ARK2C: variants seen among roughly 807,000 people sequenced by gnomAD.
ARK2C encodes the protein arkadia (RNF111) C-terminal like ring finger ubiquitin ligase 2C.
the ARK2C span, among the ~76,000 whole-genome samples, chr18:46,352,067 G>T: frequency 6.6e-6 from 1 of 152,134 alleles, no homozygotes; most frequent in Non-Finnish European, 1.5e-5. Context: ...CAGGATGGCA[G>T]CCCTGTCCTC....
At chr18:46,416,114 C>T in the ARK2C span, among the ~76,000 whole-genome samples, 17 of 152,146 alleles carry the variant, frequency 1.1e-4, no homozygotes, top group African/African-American at 3.9e-4. Flanking sequence ...GTCTATTTGC[C>T]AGCACATCTG....
the ARK2C span, among the ~76,000 whole-genome samples, chr18:46,360,976 C>T: frequency 6.6e-6 from 1 of 152,360 alleles, no homozygotes; most frequent in African/African-American, 2.4e-5. Flanking sequence ...CCACAGAACA[C>T]TGCACTTGAA....
the ARK2C span, among the ~76,000 whole-genome samples, chr18:46,376,425 G>T: frequency 0.011 from 1,715 of 152,342 alleles, 37 homozygotes; most frequent in African/African-American, 0.039. Flanking sequence ...TTTGAACTTT[G>T]TTCCTGGCAG....
chr18:46,380,012 C>A, the ARK2C span, among the ~76,000 whole-genome samples: 1 of 152,222 alleles, frequency 6.6e-6, no homozygotes, highest in South Asian at 2.1e-4. Flanking sequence ...GCCACCCCAC[C>A]CCCAAATCCC....
chr18:46,441,950 G>A, the ARK2C span, among the ~76,000 whole-genome samples: 1 of 150,974 alleles, frequency 6.6e-6, no homozygotes, highest in Admixed American at 6.6e-5. Flanking sequence ...GGATCACGAG[G>A]TCAGGGGATC....
the ARK2C span, among the ~76,000 whole-genome samples, chr18:46,344,517 G>A: frequency 6.6e-6 from 1 of 152,162 alleles, no homozygotes; most frequent in African/African-American, 2.4e-5. Context: ...GAGCTAATGG[G>A]AGAATGTGCC....
At chr18:46,363,247 G>A in the ARK2C span, among the ~76,000 whole-genome samples, 9 of 152,194 alleles carry the variant, frequency 5.9e-5, no homozygotes, top group East Asian at 1.9e-4. Context: ...GGCTTTGAAC[G>A]GGACCCTGAA....
the ARK2C span, among the ~76,000 whole-genome samples, chr18:46,414,442 G>A: frequency 1.3e-5 from 2 of 152,152 alleles, no homozygotes; most frequent in African/African-American, 4.8e-5. Flanking sequence ...CTCTGTGTGT[G>A]CACACACACA....
the ARK2C span, among the ~76,000 whole-genome samples, chr18:46,453,358 G>T: frequency 1.2e-4 from 19 of 152,106 alleles, no homozygotes; most frequent in African/African-American, 4.3e-4. Flanking sequence ...CCTGTGTCCC[G>T]GACCAGGGAG....
the ARK2C span, among the ~76,000 whole-genome samples, chr18:46,437,517 A>G: frequency 1.3e-5 from 2 of 151,810 alleles, no homozygotes; most frequent in African/African-American, 4.8e-5. Context: ...GCCCTAGGTC[A>G]TTCCAGAAAC....
the ARK2C span, among the ~76,000 whole-genome samples, chr18:46,406,719 G>A: frequency 1.3e-5 from 2 of 152,262 alleles, no homozygotes; most frequent in African/African-American, 2.4e-5. Flanking sequence ...GTTGGGCACA[G>A]GGCCAGCCAC....
chr18:46,366,529 C>G, the ARK2C span, among the ~76,000 whole-genome samples: 1 of 152,120 alleles, frequency 6.6e-6, no homozygotes, highest in African/African-American at 2.4e-5. Context: ...TGGAGAATTG[C>G]TCACTGGTTT....
chr18:46,360,498 T>A, the ARK2C span, among the ~76,000 whole-genome samples: 1 of 152,264 alleles, frequency 6.6e-6, no homozygotes, highest in Non-Finnish European at 1.5e-5. Flanking sequence ...AAACAGACCC[T>A]GGAGGCCCAG....
chr18:46,442,060 G>A, the ARK2C span, among the ~76,000 whole-genome samples: 2 of 150,960 alleles, frequency 1.3e-5, no homozygotes, highest in African/African-American at 2.4e-5. Context: ...CTACTCGGGA[G>A]GCTGAGGCAG....
the ARK2C span, among the ~76,000 whole-genome samples, chr18:46,437,182 C>T: frequency 4.3e-5 from 6 of 138,748 alleles, no homozygotes; most frequent in Non-Finnish European, 6.7e-5. Context: ...CCTAGAGGCC[C>T]GCCTGGTCCA....
the ARK2C span, among the ~76,000 whole-genome samples, chr18:46,364,005 T>C: frequency 5.4e-5 from 8 of 148,078 alleles, no homozygotes; most frequent in Non-Finnish European, 8.9e-5. Context: ...TAGAGTGCAG[T>C]GGTGCAATCT....
the ARK2C span, among the ~76,000 whole-genome samples, chr18:46,443,490 G>A: frequency 3.4e-4 from 52 of 152,116 alleles, no homozygotes; most frequent in African/African-American, 1.2e-3. Flanking sequence ...TTATCTCTAT[G>A]TATGTACAAT....
the ARK2C span, among the ~76,000 whole-genome samples, chr18:46,446,704 A>G: frequency 1.9e-4 from 29 of 151,704 alleles, no homozygotes; most frequent in African/African-American, 7.0e-4. Context: ...AGGAAAAGAA[A>G]AAAAAAAAGA....
chr18:46,416,234 A>C, the ARK2C span, among the ~76,000 whole-genome samples: 1 of 152,306 alleles, frequency 6.6e-6, no homozygotes, highest in Admixed American at 6.5e-5. Flanking sequence ...AAGCTCAACT[A>C]TAAACTCTTG....
Sources: gnomAD v4.1 joint callset for allele counts (sites outside exome capture counted in the v4.1 genomes callset) on GRCh38, gnomAD v4.1.1 for gene constraint, MANE v1.5 for transcripts, NCBI Gene and HGNC (gene_info 2026-07-23, HGNC 2026-07-21) for gene names.